Variants in BCKDHB observed in about 807,000 individuals in gnomAD.
BCKDHB encodes branched chain keto acid dehydrogenase E1 subunit beta.
Under a neutral mutation model 48.5 loss-of-function variants are expected in BCKDHB, and 41 were observed. The ratio of observed to expected loss-of-function variants is 0.85; its 90% CI spans 0.66 to 1.10. The LOEUF (loss-of-function observed/expected upper bound fraction) is 1.10. Among genes scored for constraint, BCKDHB ranks in the 50% least tolerant of loss-of-function variants. The probability of loss-of-function intolerance (pLI) is 0.00; values close to 1 mark genes in which losing one functional copy is unlikely to be tolerated. For missense variants in BCKDHB, 496 were observed against 494.2 expected, an observed-to-expected ratio of 1.00 and a Z score of -0.03; for synonymous variants, 201 against 174.8, an observed-to-expected ratio of 1.15 and a Z score of -1.18.
At chr6:80,194,409 C>T (rs1390500985) in intron 6 of BCKDHB, among the ~76,000 whole-genome samples, 3 of 152,204 alleles carry the variant, frequency 2.0e-5, no homozygotes, top group Non-Finnish European at 4.4e-5. Flanking sequence ...ATTAACTGCT[C>T]TGTTCACTTA....
At chr6:80,220,796 A>G (rs1775411427) in intron 8 of BCKDHB, among the ~76,000 whole-genome samples, 1 of 147,436 alleles carries the variant, frequency 6.8e-6, no homozygotes, top group African/African-American at 2.5e-5. Context: ...GTGCAGTGGC[A>G]AAATCTCTAC....
chr6:80,132,090 C>T (rs1302802413), intron 3 of BCKDHB, among the ~76,000 whole-genome samples: 3 of 152,004 alleles, frequency 2.0e-5, no homozygotes, highest in Non-Finnish European at 2.9e-5. Flanking sequence ...TGTTGAGTTA[C>T]TGGTTGTTTC....
the BCKDHB span, among the ~76,000 whole-genome samples, chr6:80,439,915 T>C: frequency 6.6e-6 from 1 of 150,776 alleles, no homozygotes; most frequent in East Asian, 1.9e-4. Context: ...TATTGTTTTC[T>C]GGAAGATGAT....
chr6:80,327,806 A>C (rs1452152342), intron 9 of BCKDHB, among the ~76,000 whole-genome samples: 1 of 151,988 alleles, frequency 6.6e-6, no homozygotes, highest in Non-Finnish European at 1.5e-5. Context: ...ATTCAGAATA[A>C]TGCCTCTTAA....
chr6:80,457,289 T>C, the BCKDHB span, among the ~76,000 whole-genome samples: 3 of 152,206 alleles, frequency 2.0e-5, no homozygotes, highest in Non-Finnish European at 2.9e-5. Context: ...TTCAGACTTA[T>C]GCTTTCTTTA....
the BCKDHB span, among the ~76,000 whole-genome samples, chr6:80,404,990 T>A: frequency 6.6e-6 from 1 of 152,126 alleles, no homozygotes; most frequent in Non-Finnish European, 1.5e-5. Flanking sequence ...ATTCCATGTG[T>A]TCTTGAGAAG....
At chr6:80,143,942 T>C (rs1771343128) in intron 3 of BCKDHB, among the ~76,000 whole-genome samples, 1 of 152,174 alleles carries the variant, frequency 6.6e-6, no homozygotes, top group Non-Finnish European at 1.5e-5. Flanking sequence ...AACCCATCTT[T>C]TCTGTTTTCT....
the BCKDHB span, among the ~76,000 whole-genome samples, chr6:80,384,323 T>C: frequency 6.7e-6 from 1 of 149,090 alleles, no homozygotes; most frequent in Non-Finnish European, 1.5e-5. Context: ...AACATCGGAC[T>C]CCCGATCTTC....
chr6:80,262,656 A>T (rs1025203483), intron 8 of BCKDHB, among the ~76,000 whole-genome samples: 1 of 152,134 alleles, frequency 6.6e-6, no homozygotes, highest in African/African-American at 2.4e-5. Flanking sequence ...CCTTACTTTT[A>T]AACTTATTTT....
At chr6:80,377,705 C>A in the BCKDHB span, among the ~76,000 whole-genome samples, 2 of 152,122 alleles carry the variant, frequency 1.3e-5, no homozygotes, top group Non-Finnish European at 2.9e-5. Context: ...TATTCTTATG[C>A]CAGTAATATA....
At chr6:80,129,888 C>A (rs1770544531) in intron 3 of BCKDHB, among the ~76,000 whole-genome samples, 1 of 152,152 alleles carries the variant, frequency 6.6e-6, no homozygotes, top group Non-Finnish European at 1.5e-5. Flanking sequence ...CTAATCACAT[C>A]TAAAAAATAC....
intron 8 of BCKDHB, among the ~76,000 whole-genome samples, chr6:80,268,036 T>C (rs1192159032): frequency 2.0e-5 from 3 of 152,078 alleles, no homozygotes; most frequent in African/African-American, 7.2e-5. Context: ...CAGGACTGTT[T>C]TTTTGTTGTT....
chr6:80,371,717 C>G, the BCKDHB span, among the ~76,000 whole-genome samples: 2 of 152,076 alleles, frequency 1.3e-5, no homozygotes, highest in Non-Finnish European at 2.9e-5. Context: ...TCAATTATCC[C>G]AGCACCAATT....
chr6:80,127,629 C>T lies in BCKDHB; in HGVS notation c.274+5C>T, dbSNP rs1770414545. ...TGGCCAAAGATCCTACTGCAGGTAACCCTGATATGTGCCTGAATTGTGGTA... is the reference window on the plus strand; with the variant it reads ...TGGCCAAAGATCCTACTGCAGGTAATCCTGATATGTGCCTGAATTGTGGTA... On this transcript the variant is annotated splice_donor_5th_base_variant and intron_variant, in intron 2 of 9. Coordinates refer to ENST00000320393, the MANE Select transcript of BCKDHB (RefSeq NM_183050.4). The T allele has an allele frequency of 6.2e-7, 1 of 1,609,056 alleles. No individual in the cohort carries two copies. Among genetic ancestry groups the T allele is most frequent in the Non-Finnish European group, 8.5e-7 (1 of 1,175,650 alleles).
At chr6:80,107,986 G>C (rs1043670324) in intron 1 of BCKDHB, among the ~76,000 whole-genome samples, 1 of 152,132 alleles carries the variant, frequency 6.6e-6, no homozygotes, top group Non-Finnish European at 1.5e-5. Context: ...TTGTGGATAA[G>C]AATGAACAGT....
At chr6:80,363,287 C>G in the BCKDHB span, among the ~76,000 whole-genome samples, 2 of 152,188 alleles carry the variant, frequency 1.3e-5, no homozygotes, top group Non-Finnish European at 2.9e-5. Context: ...CGTCCCTATT[C>G]TTTTCATTGA....
intron 9 of BCKDHB, among the ~76,000 whole-genome samples, chr6:80,315,341 G>T (rs760333558): frequency 6.6e-6 from 1 of 152,108 alleles, no homozygotes; most frequent in African/African-American, 2.4e-5. Flanking sequence ...GTTTCTTAGG[G>T]TTGTACATTC....
At chr6:80,389,990 T>C in the BCKDHB span, among the ~76,000 whole-genome samples, 18 of 152,126 alleles carry the variant, frequency 1.2e-4, no homozygotes, top group Non-Finnish European at 1.5e-4. Context: ...GAGGGAGGAA[T>C]GCTACCACCA....
chr6:80,284,158 G>A (rs76773977), intron 9 of BCKDHB, among the ~76,000 whole-genome samples: 1 of 152,164 alleles, frequency 6.6e-6, no homozygotes, highest in East Asian at 1.9e-4. Flanking sequence ...TGTTATGAGG[G>A]CCATTATCTA....
Sources: allele counts gnomAD v4.1 joint callset (sites outside exome capture counted in the v4.1 genomes callset), GRCh38; gene constraint gnomAD v4.1.1; transcripts MANE v1.5; gene names NCBI Gene and HGNC (gene_info 2026-07-23, HGNC 2026-07-21).